Variants in KCNQ1OT1 observed in about 807,000 individuals in gnomAD.
KCNQ1OT1 encodes KCNQ1 opposite strand/antisense transcript 1.
In KCNQ1OT1 at chr11:2,617,465, A is replaced by G. The variant is rs1849085790; in HGVS notation, n.82530T>C. ...CATACACACCACAGTTTAGTCATCCATCAATGGACACGTAAGTTTTCATAT... is the reference window on the plus strand; with the variant it reads ...CATACACACCACAGTTTAGTCATCCGTCAATGGACACGTAAGTTTTCATAT... On this transcript the variant is annotated non_coding_transcript_exon_variant, in exon 1 of 1. Transcript: ENST00000597346. The surrounding 1 kb of genome is among the most constrained non-coding windows in gnomAD (Gnocchi z 4.6). The G allele has an allele frequency of 7.5e-6, 3 of 398,360 alleles. No individual in the cohort carries two copies. Among genetic ancestry groups the G allele is most frequent in the Non-Finnish European group, 1.3e-5 (3 of 225,970 alleles). 24.7% of individuals were successfully genotyped at this position (398,360 alleles called of 1,614,324 possible). A position where few individuals can be genotyped will look rare whatever the true frequency, so the allele number is the denominator to read the frequency against.
chr11:2,660,301 C>CATAG (rs1433768593), exon 1 of KCNQ1OT1: 1 of 398,198 alleles, frequency 2.5e-6, no homozygotes, highest in African/African-American at 2.1e-5. Flanking sequence ...TACACACATA[C>CATAG]ATATGTATAC....
rs188616774 is a variant in KCNQ1OT1 at position 2,642,345 on chromosome 11, T to A, written n.57650A>T. ...TTTCTCACCTCTTTGGTTAAACTCA[T>A]TCCTAGATTTTTTGTAGTGGTTGTA... On this transcript the variant is annotated non_coding_transcript_exon_variant, in exon 1 of 1. Coordinates refer to ENST00000597346, the Ensembl canonical transcript of KCNQ1OT1. The surrounding 1 kb of genome is among the most constrained non-coding windows in gnomAD (Gnocchi z 4.3). 5 of 398,280 alleles carry A rather than the reference T, an allele frequency of 1.3e-5. No homozygotes were observed. In the East Asian group the frequency reaches 1.8e-4, roughly 14 times the overall value. The allele number at this position is 398,280 out of a possible 1,614,324, so 24.7% of individuals were successfully genotyped here.
rs1849887576 is a variant in KCNQ1OT1 at position 2,658,278 on chromosome 11, A to G, written n.41717T>C. 2.5e-6 allele frequency: 1 copy of G among 398,294 alleles called. No individual in the cohort carries two copies. Among genetic ancestry groups the G allele is most frequent in the South Asian group, 1.3e-4 (1 of 7,860 alleles). 24.7% of individuals were successfully genotyped at this position (398,294 alleles called of 1,614,324 possible). On this transcript the variant is annotated non_coding_transcript_exon_variant, in exon 1 of 1. Coordinates refer to ENST00000597346, the Ensembl canonical transcript of KCNQ1OT1. The surrounding 1 kb of genome is among the most constrained non-coding windows in gnomAD (Gnocchi z 4.9). ...TACTTCTATTTTCCTCATTCCTTCT[A>G]CATTTTTTATTTGGAATTCCTTTAT...
At chr11:2,681,746 C>G in exon 1 of KCNQ1OT1, 2 of 398,388 alleles carry the variant, frequency 5.0e-6, no homozygotes, top group Non-Finnish European at 8.8e-6. Flanking sequence ...TGATCACACA[C>G]CAGGGCACTG....
At chr11:2,675,043 C>G (rs1484426507) in exon 1 of KCNQ1OT1, 1 of 398,484 alleles carries the variant, frequency 2.5e-6, no homozygotes, top group Admixed American at 4.4e-5. Context: ...AGGTGGGGGA[C>G]GGGGATGCCA....
chr11:2,654,454 C>G lies in KCNQ1OT1; in HGVS notation n.45541G>C, dbSNP rs993769700. On this transcript the variant is annotated non_coding_transcript_exon_variant, in exon 1 of 1. Transcript: ENST00000597346. This position sits in a 1 kb window ranked among gnomAD's most constrained non-coding sequence, Gnocchi z 6.4. ...CAGAAGGCAAGGTTCCCGTGCTGAG[C>G]GCCAGGCACACATAAGCCCTGCAGC... 88 of 398,492 alleles carry G rather than the reference C, an allele frequency of 2.2e-4. No individual in the cohort carries two copies. The highest frequency in any genetic ancestry group is 6.2e-4 in the Middle Eastern group (1 of 1,610). 24.7% of individuals were successfully genotyped at this position (398,492 alleles called of 1,614,324 possible). A position where few individuals can be genotyped will look rare whatever the true frequency, so the allele number is the denominator to read the frequency against.
At chr11:2,648,052 A>G (rs1590003689) in exon 1 of KCNQ1OT1, 1 of 95,852 alleles carries the variant, frequency 1.0e-5, no homozygotes, top group African/African-American at 4.8e-5. Context: ...CATCTCTACC[A>G]AAAAAAAAAA....
Position 2,669,044 on chromosome 11 carries a change from G to A in KCNQ1OT1, n.30951C>T. ...CCAGTCTAGCTCAGCACCCGGCATGGGAAGGCCCGTCCTCTCCCAACTACC... is the reference window on the plus strand; with the variant it reads ...CCAGTCTAGCTCAGCACCCGGCATGAGAAGGCCCGTCCTCTCCCAACTACC... On this transcript the variant is annotated non_coding_transcript_exon_variant, in exon 1 of 1. Coordinates refer to ENST00000597346, the Ensembl canonical transcript of KCNQ1OT1. The surrounding 1 kb of genome is among the most constrained non-coding windows in gnomAD (Gnocchi z 5.6). 1 of 398,654 alleles carries A rather than the reference G, an allele frequency of 2.5e-6. No individual in the cohort carries two copies. Among genetic ancestry groups the A allele is most frequent in the South Asian group, 1.3e-4 (1 of 7,852 alleles). 24.7% of individuals were successfully genotyped at this position (398,654 alleles called of 1,614,324 possible).
In KCNQ1OT1 at chr11:2,670,245, C is replaced by T. The variant is rs1048654730; in HGVS notation, n.29750G>A. ...CACCTGCCTTTGACCCTGCACATGA[C>T]GGGCGAGGGAAGAGGACCATGGTAG... On this transcript the variant is annotated non_coding_transcript_exon_variant, in exon 1 of 1. Coordinates refer to ENST00000597346, the Ensembl canonical transcript of KCNQ1OT1. The surrounding 1 kb of genome is among the most constrained non-coding windows in gnomAD (Gnocchi z 4.9). 3 of 398,436 alleles carry T rather than the reference C, an allele frequency of 7.5e-6. No individual in the cohort carries two copies. Among genetic ancestry groups the T allele is most frequent in the East Asian group, 3.6e-5 (1 of 28,086 alleles). The allele number at this position is 398,436 out of a possible 1,614,324, so 24.7% of individuals were successfully genotyped here.
exon 1 of KCNQ1OT1, chr11:2,680,334 G>C (rs1590027970): frequency 2.6e-6 from 1 of 377,378 alleles, no homozygotes; most frequent in African/African-American, 2.3e-5. Context: ...CAAAAAAAAA[G>C]TCTTTCCAGC....
exon 1 of KCNQ1OT1, chr11:2,686,342 G>T (rs576028523): frequency 4.5e-5 from 18 of 398,594 alleles, no homozygotes; most frequent in Non-Finnish European, 8.0e-5. Context: ...GTTCCAAGCT[G>T]GGGGAGGAGT....
chr11:2,634,321 CCCCCCT>C lies in KCNQ1OT1; in HGVS notation n.65668_65673del, dbSNP rs869270496. On this transcript the variant is annotated non_coding_transcript_exon_variant, in exon 1 of 1. Coordinates refer to ENST00000597346, the Ensembl canonical transcript of KCNQ1OT1. ...TCTCCTAATGCTTTCCCTCCCCCCT[CCCCCCT>C]CCCCCCCCACCCCACAACAGGCCCT... 7.9e-4 allele frequency: 189 copies of C among 240,650 alleles called. 2 individuals are homozygous for C. The highest frequency in any genetic ancestry group is 2.2e-3 in the South Asian group (9 of 4,148). The allele number at this position is 240,650 out of a possible 1,614,324, so 14.9% of individuals were successfully genotyped here.
rs192566252 is a variant in KCNQ1OT1 at position 2,621,432 on chromosome 11, A to G, written n.78563T>C. ...GTTGATTGGTTTAAGTTCCTTATGG[A>G]TTCTGGACATAGGACCTTTGCCAGA... On this transcript the variant is annotated non_coding_transcript_exon_variant, in exon 1 of 1. Transcript: ENST00000597346. This position sits in a 1 kb window ranked among gnomAD's most constrained non-coding sequence, Gnocchi z 5.7. The G allele has an allele frequency of 1.8e-4, 70 of 398,606 alleles. No homozygotes were observed. The highest frequency in any genetic ancestry group is 1.3e-5 in the Non-Finnish European group (3 of 226,060). 24.7% of individuals were successfully genotyped at this position (398,606 alleles called of 1,614,324 possible).
In KCNQ1OT1 at chr11:2,664,798, C is replaced by G. The variant is rs1399668298; in HGVS notation, n.35197G>C. On this transcript the variant is annotated non_coding_transcript_exon_variant, in exon 1 of 1. Coordinates refer to ENST00000597346, the Ensembl canonical transcript of KCNQ1OT1. This position sits in a 1 kb window ranked among gnomAD's most constrained non-coding sequence, Gnocchi z 5.1. ...TGGGTGGGAGGCAGTTACCAAAAAA[C>G]ATTTCCATTTTTCTTCAGCATTCTA... 2.5e-6 allele frequency: 1 copy of G among 398,600 alleles called. No homozygotes were observed. The highest frequency in any genetic ancestry group is 2.1e-5 in the African/African-American group (1 of 48,630). 24.7% of individuals were successfully genotyped at this position (398,600 alleles called of 1,614,324 possible).
At chr11:2,632,396 C>T in exon 1 of KCNQ1OT1, 1 of 398,388 alleles carries the variant, frequency 2.5e-6, no homozygotes, top group Admixed American at 4.4e-5. Flanking sequence ...AAAGCCACTA[C>T]TATGTTTAAT....
At chr11:2,684,817 G>T (rs1410186626) in exon 1 of KCNQ1OT1, 6 of 398,542 alleles carry the variant, frequency 1.5e-5, no homozygotes, top group Admixed American at 8.8e-5. Context: ...AAGGCTTGAG[G>T]TCTCCTAGTC....
chr11:2,672,722 CA>C, exon 1 of KCNQ1OT1: 1 of 398,880 alleles, frequency 2.5e-6, no homozygotes, highest in Non-Finnish European at 4.4e-6. Flanking sequence ...TGTCAGGTTC[CA>C]GACTCCAAGT....
exon 1 of KCNQ1OT1, chr11:2,655,333 A>G: frequency 2.5e-6 from 1 of 398,656 alleles, no homozygotes. Context: ...AAGCAAAGGC[A>G]GCCAAAGAAT....
chr11:2,646,508 A>G (rs1590002695), exon 1 of KCNQ1OT1: 1 of 398,598 alleles, frequency 2.5e-6, no homozygotes. Flanking sequence ...TGTTTCACAG[A>G]AATGCTACTG....
Sources: gnomAD v4.1 joint callset for allele counts on GRCh38, gnomAD v4.1.1 for gene constraint, Gnocchi (gnomAD v3.1) non-coding constraint, MANE v1.5 for transcripts, NCBI Gene and HGNC (gene_info 2026-07-23, HGNC 2026-07-21) for gene names.